NRXN3: variants seen among roughly 807,000 people sequenced by gnomAD.
NRXN3 encodes neurexin 3.
A neutral mutation model predicts 137.6 loss-of-function variants in NRXN3; 32 were observed. That is an observed-to-expected ratio of 0.23 (90% CI 0.18 to 0.31). NRXN3 has a LOEUF of 0.31. NRXN3 is among the 10% of genes least tolerant of loss of function. The pLI is 1.00. For missense variants in NRXN3, 1,574 were observed against 2,062.5 expected (o/e 0.76, Z 4.59); for synonymous variants, 798 against 784.5 (o/e 1.02, Z -0.29).
In NRXN3 at chr14:79,504,657, A is replaced by G. The variant is rs1174090727; in HGVS notation, c.3444+37255A>G. Among the ~76,000 whole-genome samples, 79 of 139,744 alleles carry G rather than the reference A, an allele frequency of 5.7e-4. 1 individual carries two copies. The highest frequency in any genetic ancestry group is 3.5e-4 in the Non-Finnish European group (23 of 64,830). The allele number at this position is 139,744 out of a possible 152,430, so 91.7% of individuals were successfully genotyped here. A position where few individuals can be genotyped will look rare whatever the true frequency, so the allele number is the denominator to read the frequency against. On this transcript the variant is annotated intron_variant, in intron 16 of 20. Coordinates refer to ENST00000335750, the MANE Select transcript of NRXN3 (RefSeq NM_001330195.2). ...TGAAGTTTTTTATATATATATATGT[A>G]TATATATATATATATATAAAACATT...
At chr14:79,123,366 A>G (rs1162765254) in intron 15 of NRXN3, among the ~76,000 whole-genome samples, 1 of 152,202 alleles carries the variant, frequency 6.6e-6, no homozygotes, top group Non-Finnish European at 1.5e-5. Context: ...TGAGTCTCTC[A>G]CATAGAGTTT....
intron 8 of NRXN3, among the ~76,000 whole-genome samples, chr14:78,737,905 T>A (rs1176195252): frequency 6.6e-6 from 1 of 152,126 alleles, no homozygotes; most frequent in Non-Finnish European, 1.5e-5. Flanking sequence ...TCTCCAGCAG[T>A]CCCTGAGGAT....
At chr14:78,647,227 A>G (rs78273995) in intron 5 of NRXN3, among the ~76,000 whole-genome samples, 22,725 of 152,224 alleles carry the variant, frequency 0.15, 2,149 homozygotes, top group Middle Eastern at 0.3. Context: ...CTGTAATTCA[A>G]ATATTGTTTG....
At chr14:78,859,923 T>G (rs1204148731) in intron 10 of NRXN3, among the ~76,000 whole-genome samples, 3 of 152,098 alleles carry the variant, frequency 2.0e-5, no homozygotes, top group Admixed American at 6.5e-5. Context: ...TTGCCATCTT[T>G]CCTCTAAAGA....
intron 15 of NRXN3, among the ~76,000 whole-genome samples, chr14:79,365,963 C>T (rs1471641042): frequency 6.6e-6 from 1 of 151,900 alleles, no homozygotes; most frequent in Non-Finnish European, 1.5e-5. Flanking sequence ...ATTTATTAAA[C>T]ATCTATTATG....
chr14:78,456,885 C>T (rs1358390711), intron 4 of NRXN3, among the ~76,000 whole-genome samples: 1 of 149,384 alleles, frequency 6.7e-6, no homozygotes, highest in African/African-American at 2.5e-5. Context: ...TTCTTTCCTT[C>T]TTTCGTTCGT....
In NRXN3 at chr14:78,863,676, T is replaced by C. The variant is rs116739271; in HGVS notation, c.2275+53332T>C. Among the ~76,000 whole-genome samples the C allele has an allele frequency of 1.8e-3, 275 of 152,208 alleles. 2 individuals carry two copies. The highest frequency in any genetic ancestry group is 6.1e-3 in the African/African-American group (255 of 41,552). ...GATTTGATCTCTAATTATAAAGTAA[T>C]TAAAAACAATTTTATTTCAGTCCAC... On this transcript the variant is annotated intron_variant, in intron 10 of 20. Coordinates refer to ENST00000335750, the MANE Select transcript of NRXN3 (RefSeq NM_001330195.2).
At chr14:78,847,084 C>T (rs1350130869) in intron 10 of NRXN3, among the ~76,000 whole-genome samples, 1 of 152,076 alleles carries the variant, frequency 6.6e-6, no homozygotes, top group African/African-American at 2.4e-5. Flanking sequence ...CTTTTTCTTT[C>T]AGCACACCTT....
chr14:78,207,507 G>C (rs1442430581), intron 1 of NRXN3, among the ~76,000 whole-genome samples: 14 of 152,110 alleles, frequency 9.2e-5, no homozygotes. Flanking sequence ...AAAACCAACA[G>C]TGTTGGCTTC....
chr14:78,329,731 G>GT (rs780650866), intron 4 of NRXN3, among the ~76,000 whole-genome samples: 4 of 152,140 alleles, frequency 2.6e-5, no homozygotes, highest in Non-Finnish European at 5.9e-5. Flanking sequence ...TGTCCTTGAG[G>GT]TTTTTTGGGG....
At chr14:79,729,472 A>T (rs540313477) in intron 19 of NRXN3, among the ~76,000 whole-genome samples, 1 of 152,294 alleles carries the variant, frequency 6.6e-6, no homozygotes, top group South Asian at 2.1e-4. Flanking sequence ...GACTAGTTGG[A>T]TGGCCATATA....
At chr14:79,030,799 T>A (rs184196115) in intron 15 of NRXN3, among the ~76,000 whole-genome samples, 1 of 152,164 alleles carries the variant, frequency 6.6e-6, no homozygotes, top group East Asian at 1.9e-4. Flanking sequence ...TAGATCTCAA[T>A]TTCATTTTAT....
chr14:79,863,373 T>TGACA lies in NRXN3; in HGVS notation c.*1410_*1413dup, dbSNP rs2099416099. ...ATCATGGTATGTTTGATGGGATGAC[T>TGACA]GACACAGGAAATCTGTTAAAGTCTT... is the stretch of plus-strand genomic sequence containing the variant. On this transcript the variant is annotated 3_prime_UTR_variant, in exon 21 of 21. Transcript: ENST00000335750. The TGACA allele has an allele frequency of 6.6e-6, 1 of 151,642 alleles. No individual in the cohort carries two copies. Among genetic ancestry groups the TGACA allele is most frequent in the Admixed American group, 6.6e-5 (1 of 15,150 alleles). The allele number at this position is 151,642 out of a possible 1,614,324, so 9.4% of individuals were successfully genotyped here.
At chr14:78,456,920 CCTCT>C (rs1203774306) in intron 4 of NRXN3, among the ~76,000 whole-genome samples, 1 of 147,552 alleles carries the variant, frequency 6.8e-6, no homozygotes, top group Non-Finnish European at 1.5e-5. Context: ...TTCCTTCCTT[CCTCT>C]CTCCCTCCCT....
At chr14:78,731,756 A>G (rs2098516909) in intron 8 of NRXN3, among the ~76,000 whole-genome samples, 1 of 151,904 alleles carries the variant, frequency 6.6e-6, no homozygotes, top group African/African-American at 2.4e-5. Context: ...GTAATTTTAT[A>G]AGTAATTATT....
rs764465653 is a variant in NRXN3, at chr14:79,719,936, T to TG, written c.4014+21999_4014+22000insG. 5.9e-5 allele frequency among the ~76,000 whole-genome samples: 9 copies of TG among 152,256 alleles called. No homozygotes were observed. The East Asian group carries it at 1.7e-3, about 29-fold the overall frequency. ...TGTCTGTTGCATAGTGACCTTTCAATAAAAATTATTATTATTATTGCTCTT... is the reference window on the plus strand; with the variant it reads ...TGTCTGTTGCATAGTGACCTTTCAATGAAAAATTATTATTATTATTGCTCTT... On this transcript the variant is annotated intron_variant, in intron 19 of 20. Transcript: ENST00000335750.
intron 4 of NRXN3, among the ~76,000 whole-genome samples, chr14:78,568,676 C>T (rs1173030966): frequency 6.6e-6 from 1 of 152,180 alleles, no homozygotes; most frequent in African/African-American, 2.4e-5. Context: ...TCTTTGAAAT[C>T]CTGGGTTCAA....
chr14:78,215,586 C>T (rs1407328733), intron 1 of NRXN3, among the ~76,000 whole-genome samples: 1 of 152,074 alleles, frequency 6.6e-6, no homozygotes, highest in African/African-American at 2.4e-5. Flanking sequence ...GAGAAGGCAA[C>T]AAAGGTTGTG....
intron 1 of NRXN3, among the ~76,000 whole-genome samples, chr14:78,216,092 T>G (rs943707574): frequency 1.1e-4 from 16 of 152,322 alleles, no homozygotes; most frequent in African/African-American, 3.6e-4. Flanking sequence ...TTTGCGGCCA[T>G]TTTTCCGTGT....
Sources: gnomAD v4.1 joint callset for allele counts (sites outside exome capture counted in the v4.1 genomes callset) on GRCh38, gnomAD v4.1.1 for gene constraint, MANE v1.5 for transcripts, NCBI Gene and HGNC (gene_info 2026-07-23, HGNC 2026-07-21) for gene names.